RYR3: variants seen among roughly 807,000 people sequenced by gnomAD.
RYR3 encodes ryanodine receptor 3.
Under a neutral mutation model 584.3 loss-of-function variants are expected in RYR3, and 207 were observed. The ratio of observed to expected loss-of-function variants is 0.35; its 90% CI spans 0.32 to 0.40. The LOEUF is 0.40. RYR3 is among the 10% of genes least tolerant of loss of function. The pLI, the probability that RYR3 is intolerant of heterozygous loss-of-function variation, is 1.00. For missense variants in RYR3, 5,616 were observed against 6,089.2 expected, an observed-to-expected ratio of 0.92 and a Z score of 2.59; for synonymous variants, 2,416 against 2,248.5, an observed-to-expected ratio of 1.07 and a Z score of -2.11.
At chr15:33,489,300 A>G (rs753628904) in intron 2 of RYR3, among the ~76,000 whole-genome samples, 2 of 152,168 alleles carry the variant, frequency 1.3e-5, no homozygotes, top group African/African-American at 2.4e-5. Flanking sequence ...AGAGTATTTC[A>G]TCATCCAGGT....
chr15:33,673,306 C>T (rs2063959792), intron 38 of RYR3, among the ~76,000 whole-genome samples: 1 of 152,200 alleles, frequency 6.6e-6, no homozygotes, highest in Non-Finnish European at 1.5e-5. Context: ...TTGATGTTGG[C>T]CAATGACCTG....
chr15:33,429,587 G>C (rs2044944895), intron 1 of RYR3, among the ~76,000 whole-genome samples: 1 of 152,202 alleles, frequency 6.6e-6, no homozygotes, highest in Non-Finnish European at 1.5e-5. Context: ...GTGCTCTAAT[G>C]AATCTCTTAC....
intron 45 of RYR3, among the ~76,000 whole-genome samples, chr15:33,726,118 G>T (rs1416242578): frequency 6.6e-6 from 1 of 152,090 alleles, no homozygotes; most frequent in African/African-American, 2.4e-5. Context: ...TATTCCTGGG[G>T]CCTGATACCA....
At chr15:33,558,409 C>A (rs1252936049) in intron 10 of RYR3, among the ~76,000 whole-genome samples, 2 of 151,018 alleles carry the variant, frequency 1.3e-5, no homozygotes, top group African/African-American at 2.4e-5. Context: ...CATCCATGTC[C>A]CTACAAAGGA....
At chr15:33,663,228 C>A (rs2152707842) in intron 35 of RYR3, among the ~76,000 whole-genome samples, 1 of 152,278 alleles carries the variant, frequency 6.6e-6, no homozygotes, top group Admixed American at 6.5e-5. Context: ...TCCTCCAGGA[C>A]TGGAACATTT....
chr15:33,715,994 G>A (rs1214369259), intron 43 of RYR3, among the ~76,000 whole-genome samples: 1 of 152,116 alleles, frequency 6.6e-6, no homozygotes, highest in Non-Finnish European at 1.5e-5. Context: ...TGGATCATGG[G>A]GGCAGATGCC....
chr15:33,810,632 A>G lies in RYR3; in HGVS notation c.10180A>G (p.Lys3394Glu). 6.2e-7 allele frequency: 1 copy of G among 1,613,994 alleles called. No homozygotes were observed. Residue 3394 changes from lysine to glutamate, a missense_variant, in exon 71 of 104, where the codon AAA becomes GAA. Coordinates refer to ENST00000634891, the MANE Select transcript of RYR3 (RefSeq NM_001036.6). ...CGACCAGGAGCTGATCTCCCTCGCA[A>G]AATCGCGATACAGCCATGTAAGCTG... ...PGDQELISLA[K>E]SRYSHRDTDE...
chr15:33,607,957 C>T (rs2059990512), intron 18 of RYR3, among the ~76,000 whole-genome samples: 1 of 152,104 alleles, frequency 6.6e-6, no homozygotes, highest in South Asian at 2.1e-4. Context: ...AACTTGAGTC[C>T]ACAAAGGTAA....
intron 12 of RYR3, among the ~76,000 whole-genome samples, chr15:33,573,426 G>A (rs2058137594): frequency 6.6e-6 from 1 of 152,160 alleles, no homozygotes; most frequent in Non-Finnish European, 1.5e-5. Context: ...GAAGGAACAA[G>A]AAAGAAAAAT....
chr15:33,349,716 G>A (rs1158586857), intron 1 of RYR3, among the ~76,000 whole-genome samples: 1 of 148,036 alleles, frequency 6.8e-6, no homozygotes, highest in Non-Finnish European at 1.5e-5. Context: ...CTAGCATTAG[G>A]TATATCTCCC....
chr15:33,854,731 A>G (rs949867648), intron 97 of RYR3, 35 bp from the exon 98 acceptor site: 3 of 1,577,612 alleles, frequency 1.9e-6, no homozygotes, highest in South Asian at 2.4e-5. Flanking sequence ...CTATGAGGCA[A>G]ACATGCTTAA....
intron 8 of RYR3, among the ~76,000 whole-genome samples, chr15:33,546,998 A>G (rs2056293670): frequency 6.6e-6 from 1 of 152,194 alleles, no homozygotes; most frequent in East Asian, 1.9e-4. Context: ...AGGTCACAAG[A>G]TTCTCAGAAA....
At position 33,366,291 on chromosome 15, in the gene RYR3, C is replaced by T. The variant is rs148565766; in HGVS notation, c.51+55195C>T. On this transcript the variant is annotated intron_variant, in intron 1 of 103. Transcript: ENST00000634891. ...TTTCTGGTCCTGCGTCATTTATTCT[C>T]TTCTTGGTCTTGTCTGTTCAACGGT... Among the ~76,000 whole-genome samples the T allele has an allele frequency of 1.7e-4, 26 of 152,198 alleles. No homozygotes were observed. The East Asian group carries it at 4.4e-3, about 26-fold the overall frequency.
At position 33,467,070 on chromosome 15, in the gene RYR3, G is replaced by A. The variant is rs532936055; in HGVS notation, c.52-6349G>A. ...TTTTGGGTAAAGTCTTAGAATAAGT[G>A]CACACCCATATCTTCATATATTTAG... On this transcript the variant is annotated intron_variant, in intron 1 of 103. Transcript: ENST00000634891. Among the ~76,000 whole-genome samples, 4 of 152,264 alleles carry A rather than the reference G, an allele frequency of 2.6e-5. No individual in the cohort carries two copies. In the South Asian group the frequency reaches 8.3e-4, roughly 32 times the overall value.
At chr15:33,372,658 C>A (rs1246552740) in intron 1 of RYR3, among the ~76,000 whole-genome samples, 3 of 152,108 alleles carry the variant, frequency 2.0e-5, no homozygotes, top group African/African-American at 4.8e-5. Context: ...AGCCACCACG[C>A]CCGGCCCCAG....
chr15:33,691,016 G>T (rs1166716060), intron 38 of RYR3, among the ~76,000 whole-genome samples: 1 of 152,098 alleles, frequency 6.6e-6, no homozygotes, highest in African/African-American at 2.4e-5. Context: ...AGAATAGGAA[G>T]AAAAATGGCC....
rs373979647 is a variant in RYR3 at position 33,844,872 on chromosome 15, A to G, written c.13307A>G (p.Glu4436Gly). 6.2e-7 allele frequency: 1 copy of G among 1,610,702 alleles called. No homozygotes were observed. Among genetic ancestry groups the G allele is most frequent in the African/African-American group, 1.3e-5 (1 of 74,732 alleles). Residue 4436 changes from glutamate (E) to glycine (G), a missense_variant, in exon 93 of 104, where the codon GAA (glutamate) becomes GGA (glycine). Around this residue, in one of 9 missense-constraint regions of RYR3, gnomAD observed 918 missense variants for 887.4 expected, o/e 1.03. Coordinates refer to ENST00000634891, the MANE Select transcript of RYR3 (RefSeq NM_001036.6). ...TGTATTTTGAGCCAGGTCACTGAAGAACCTTTAGAAGAAGAGACAGAGGAT... is the reference window on the plus strand; with the variant it reads ...TGTATTTTGAGCCAGGTCACTGAAGGACCTTTAGAAGAAGAGACAGAGGAT... ...FILLFYKVTE[E>G]PLEEETEDVA...
At chr15:33,646,903 T>C (rs1433286236) in intron 29 of RYR3, among the ~76,000 whole-genome samples, 1 of 152,220 alleles carries the variant, frequency 6.6e-6, no homozygotes, top group African/African-American at 2.4e-5. Context: ...ACTGCCTTCT[T>C]TGCATAGCTA....
At chr15:33,518,322 C>G (rs533449981) in intron 3 of RYR3, among the ~76,000 whole-genome samples, 4 of 152,294 alleles carry the variant, frequency 2.6e-5, no homozygotes, top group Non-Finnish European at 5.9e-5. Flanking sequence ...ACCAAACTTG[C>G]TGCAAATGGA....
Sources: allele counts gnomAD v4.1 joint callset (sites outside exome capture counted in the v4.1 genomes callset), GRCh38; gene constraint gnomAD v4.1.1; regional missense constraint gnomAD v4.1.1; transcripts MANE v1.5; gene names NCBI Gene and HGNC (gene_info 2026-07-23, HGNC 2026-07-21).